The following STXBP4 variants were observed in gnomAD, a reference collection of about 807,000 sequenced individuals.
STXBP4 encodes syntaxin binding protein 4, also known as syntaxin-binding protein 4.
In STXBP4, 55 loss-of-function variants were observed where a neutral mutation model predicts 76.1. The observed-to-expected ratio is 0.72, with a 90% CI of 0.58 to 0.91. The LOEUF (loss-of-function observed/expected upper bound fraction) is 0.91, where lower values mean the gene tolerates loss of function less well. STXBP4 is among the 40% of genes least tolerant of loss of function. The probability of loss-of-function intolerance (pLI) is 0.00; values close to 1 mark genes in which losing one functional copy is unlikely to be tolerated. For synonymous variants in STXBP4, 201 were observed against 220.2 expected (o/e 0.91, Z 0.77); for missense variants, 618 against 636.9 (o/e 0.97, Z 0.32).
intron 4 of STXBP4, among the ~76,000 whole-genome samples, chr17:54,994,401 AAC>A (rs1274354269): frequency 6.6e-6 from 1 of 152,136 alleles, no homozygotes; most frequent in Non-Finnish European, 1.5e-5. Context: ...ACTCTTCCCA[AAC>A]AGAGTCTCTT....
intron 16 of STXBP4, among the ~76,000 whole-genome samples, chr17:55,098,524 G>T (rs1454887960): frequency 6.6e-6 from 1 of 152,184 alleles, no homozygotes; most frequent in Non-Finnish European, 1.5e-5. Context: ...TTTCATCCAT[G>T]TGAGGCAGGA....
intron 5 of STXBP4, 77 bp from the exon 6 acceptor site, chr17:54,999,555 C>A: frequency 6.9e-7 from 1 of 1,459,188 alleles, no homozygotes; most frequent in Non-Finnish European, 9.4e-7. Flanking sequence ...TTTTTAATAA[C>A]ATCTGAAACA....
intron 16 of STXBP4, among the ~76,000 whole-genome samples, chr17:55,124,002 A>G (rs2079876943): frequency 6.6e-6 from 1 of 152,154 alleles, no homozygotes; most frequent in Non-Finnish European, 1.5e-5. Context: ...AATACCTTTT[A>G]TTTGATAATG....
chr17:55,129,312 T>C (rs1161114101), intron 16 of STXBP4, among the ~76,000 whole-genome samples: 1 of 152,146 alleles, frequency 6.6e-6, no homozygotes, highest in African/African-American at 2.4e-5. Context: ...CCCCTCTTTT[T>C]CTTTGATCAT....
chr17:55,119,160 C>T (rs2079816268), intron 16 of STXBP4, among the ~76,000 whole-genome samples: 1 of 151,934 alleles, frequency 6.6e-6, no homozygotes, highest in Non-Finnish European at 1.5e-5. Context: ...CACATTGATG[C>T]CCATGGGCTT....
intron 16 of STXBP4, among the ~76,000 whole-genome samples, chr17:55,095,986 T>C (rs2079479635): frequency 1.3e-5 from 2 of 152,164 alleles, no homozygotes; most frequent in South Asian, 4.1e-4. Context: ...TGTGTTATAA[T>C]TGATGGCACC....
intron 3 of STXBP4, among the ~76,000 whole-genome samples, chr17:54,986,894 T>C (rs1180453892): frequency 1.3e-5 from 2 of 152,212 alleles, no homozygotes; most frequent in South Asian, 2.1e-4. Flanking sequence ...CTCATTTACA[T>C]CTTGTGAGGC....
At chr17:55,156,828 G>A (rs1598356419) in intron 17 of STXBP4, among the ~76,000 whole-genome samples, 1 of 152,096 alleles carries the variant, frequency 6.6e-6, no homozygotes, top group South Asian at 2.1e-4. Context: ...TTTTGTATTT[G>A]GAGTAAGATC....
At chr17:54,990,762 T>C (rs1369829664) in intron 3 of STXBP4, 63 bp from the exon 4 acceptor site, 42 of 1,510,598 alleles carry the variant, frequency 2.8e-5, no homozygotes, top group Non-Finnish European at 3.6e-5. Flanking sequence ...ATAAGTAGTT[T>C]AAAGAAAAAA....
intron 16 of STXBP4, among the ~76,000 whole-genome samples, chr17:55,107,752 G>A (rs1314202138): frequency 6.6e-6 from 1 of 152,194 alleles, no homozygotes; most frequent in African/African-American, 2.4e-5. Flanking sequence ...AGCGGAGGCT[G>A]CAGAACAACA....
chr17:55,157,643 C>T (rs895194913), intron 17 of STXBP4, among the ~76,000 whole-genome samples: 1 of 152,120 alleles, frequency 6.6e-6, no homozygotes, highest in African/African-American at 2.4e-5. Context: ...CCTTTTTATG[C>T]CATAATAAAA....
chr17:55,046,129 G>T (rs547147812), intron 11 of STXBP4, among the ~76,000 whole-genome samples: 3 of 152,104 alleles, frequency 2.0e-5, no homozygotes, highest in Admixed American at 2.0e-4. Context: ...CATTGCTACT[G>T]CTTTGCAAAG....
chr17:55,205,307 A>G, the STXBP4 span, among the ~76,000 whole-genome samples: 1,420 of 152,092 alleles, frequency 9.3e-3, 23 homozygotes, highest in African/African-American at 0.033. Context: ...ATATTATATA[A>G]AAGGAAGCAT....
chr17:54,976,363 T>G (rs1778316358), intron 1 of STXBP4, among the ~76,000 whole-genome samples: 1 of 152,254 alleles, frequency 6.6e-6, no homozygotes, highest in African/African-American at 2.4e-5. Flanking sequence ...ATCATTTCTT[T>G]GAATAAGCAC....
intron 16 of STXBP4, among the ~76,000 whole-genome samples, chr17:55,084,405 C>T (rs547214260): frequency 1.2e-4 from 18 of 152,140 alleles, no homozygotes; most frequent in East Asian, 3.9e-4. Flanking sequence ...GAGTAGGTTG[C>T]GAAAATTTTC....
intron 16 of STXBP4, among the ~76,000 whole-genome samples, chr17:55,128,916 G>T (rs1385664877): frequency 7.1e-6 from 1 of 140,296 alleles, no homozygotes; most frequent in Admixed American, 7.2e-5. Flanking sequence ...CGTCCAGCCT[G>T]TAAGGATTCT....
At chr17:55,059,818 A>G (rs1195042715) in intron 12 of STXBP4, among the ~76,000 whole-genome samples, 2 of 152,102 alleles carry the variant, frequency 1.3e-5, no homozygotes, top group African/African-American at 4.8e-5. Context: ...TAACTGGGTA[A>G]TCATAATAGT....
chr17:55,049,090 T>G lies in STXBP4; in HGVS notation c.1011+1936T>G, dbSNP rs73990284. On this transcript the variant is annotated intron_variant, in intron 12 of 17. Coordinates refer to ENST00000376352, the MANE Select transcript of STXBP4 (RefSeq NM_178509.6). ...AACAACATGCAAAGTAAGGCAATAG[T>G]GGAACAACATTTTCAGGACATGAAA... Among the ~76,000 whole-genome samples the G allele has an allele frequency of 6.8e-3, 1,033 of 151,916 alleles. 14 individuals are homozygous for G. Among genetic ancestry groups the G allele is most frequent in the African/African-American group, 0.023 (963 of 41,516 alleles).
At chr17:55,142,505 A>G (rs561192496) in intron 17 of STXBP4, among the ~76,000 whole-genome samples, 1 of 152,322 alleles carries the variant, frequency 6.6e-6, no homozygotes, top group East Asian at 1.9e-4. Flanking sequence ...TTCACATCAT[A>G]TACTGAGGGG....
Sources: gnomAD v4.1 joint callset for allele counts (sites outside exome capture counted in the v4.1 genomes callset) on GRCh38, gnomAD v4.1.1 for gene constraint, MANE v1.5 for transcripts, NCBI Gene and HGNC (gene_info 2026-07-23, HGNC 2026-07-21) for gene names.